Variants in CAMK1D observed in about 807,000 individuals in gnomAD.
CAMK1D encodes calcium/calmodulin dependent protein kinase ID.
A neutral mutation model predicts 47.7 loss-of-function variants in CAMK1D; 9 were observed. The observed-to-expected ratio is 0.19, with a 90% CI of 0.11 to 0.33. The LOEUF (loss-of-function observed/expected upper bound fraction) is 0.33, where lower values mean the gene tolerates loss of function less well. Among genes scored for constraint, CAMK1D ranks in the 10% least tolerant of loss-of-function variants. The probability of loss-of-function intolerance (pLI) is 1.00; values close to 1 mark genes in which losing one functional copy is unlikely to be tolerated. For missense variants in CAMK1D, 291 were observed against 488.7 expected (o/e 0.60, Z 3.81); for synonymous variants, 184 against 184.9 (o/e 0.99, Z 0.04).
intron 1 of CAMK1D, among the ~76,000 whole-genome samples, chr10:12,546,963 A>G (rs6602594): frequency 0.62 from 94,447 of 151,814 alleles, 29,629 homozygotes; most frequent in Middle Eastern, 0.68. Context: ...TATAATAATA[A>G]TTAAAAAAAA....
At chr10:12,673,258 A>G (rs548875572) in intron 3 of CAMK1D, among the ~76,000 whole-genome samples, 1 of 152,290 alleles carries the variant, frequency 6.6e-6, no homozygotes, top group African/African-American at 2.4e-5. Flanking sequence ...GACAATTGAC[A>G]GCTTAAAACA....
chr10:12,805,755 A>G (rs1838700968), intron 6 of CAMK1D, among the ~76,000 whole-genome samples: 1 of 152,198 alleles, frequency 6.6e-6, no homozygotes. Flanking sequence ...TTGGAGAGGG[A>G]CCGAGTCAGG....
At chr10:12,408,848 C>CTTTCTTTTTTTT (rs767211308) in intron 1 of CAMK1D, among the ~76,000 whole-genome samples, 1 of 121,872 alleles carries the variant, frequency 8.2e-6, no homozygotes, top group Non-Finnish European at 1.7e-5. Flanking sequence ...TTCTTTCTTT[C>CTTTCTTTTTTTT]TTTTTTTTTT....
At chr10:12,766,709 A>G (rs970882047) in intron 4 of CAMK1D, among the ~76,000 whole-genome samples, 2 of 151,922 alleles carry the variant, frequency 1.3e-5, no homozygotes, top group Non-Finnish European at 2.9e-5. Flanking sequence ...CCCAATCTCA[A>G]TGCCGAATTA....
At position 12,746,114 on chromosome 10, in the gene CAMK1D, T is replaced by A. The variant is rs1835660059; in HGVS notation, c.300-14834T>A. 2.6e-5 allele frequency among the ~76,000 whole-genome samples: 4 copies of A among 152,096 alleles called. No individual in the cohort carries two copies. The South Asian group carries it at 8.3e-4, about 32-fold the overall frequency. ...GATGCCGGTGATGCCTGTAGAGCTA[T>A]TAAAAAGTTACTGACGAGGCGGACG... On this transcript the variant is annotated intron_variant, in intron 3 of 10. Coordinates refer to ENST00000619168, the MANE Select transcript of CAMK1D (RefSeq NM_153498.4).
chr10:12,454,155 T>C (rs551840492), intron 1 of CAMK1D, among the ~76,000 whole-genome samples: 30 of 152,278 alleles, frequency 2.0e-4, no homozygotes, highest in African/African-American at 6.7e-4. Flanking sequence ...TGTTTTTGAA[T>C]TTAATTTTTT....
At chr10:12,608,355 T>C (rs965786369) in intron 2 of CAMK1D, among the ~76,000 whole-genome samples, 35 of 152,258 alleles carry the variant, frequency 2.3e-4, no homozygotes, top group African/African-American at 8.4e-4. Context: ...GAGGCGGAGG[T>C]TACAGTGAGC....
At chr10:12,758,896 G>A (rs1212126785) in intron 3 of CAMK1D, among the ~76,000 whole-genome samples, 1 of 152,188 alleles carries the variant, frequency 6.6e-6, no homozygotes, top group African/African-American at 2.4e-5. Flanking sequence ...ACAGCAGTTA[G>A]GGAGGCTGCT....
At chr10:12,523,068 C>G (rs550364797) in intron 1 of CAMK1D, among the ~76,000 whole-genome samples, 1 of 150,582 alleles carries the variant, frequency 6.6e-6, no homozygotes, top group Non-Finnish European at 1.5e-5. Flanking sequence ...ACTTCTCAGT[C>G]GGGGCGGCTG....
intron 1 of CAMK1D, among the ~76,000 whole-genome samples, chr10:12,529,080 C>T (rs956730415): frequency 1.2e-4 from 18 of 152,212 alleles, no homozygotes; most frequent in Middle Eastern, 3.4e-3. Flanking sequence ...TCAAGCAATC[C>T]ACCCGTCTTG....
intron 3 of CAMK1D, among the ~76,000 whole-genome samples, chr10:12,751,128 A>AAGATGAGAT: frequency 6.9e-6 from 1 of 145,172 alleles, no homozygotes; most frequent in East Asian, 2.1e-4. Flanking sequence ...TAAGATAAGA[A>AAGATGAGAT]GGCTTCAGAA....
intron 2 of CAMK1D, among the ~76,000 whole-genome samples, chr10:12,564,854 C>T (rs776792657): frequency 7.2e-5 from 11 of 152,168 alleles, no homozygotes; most frequent in Non-Finnish European, 1.2e-4. Context: ...CCTAAGTATA[C>T]ACACATGTAA....
At chr10:12,721,409 T>A (rs1564516251) in intron 3 of CAMK1D, among the ~76,000 whole-genome samples, 1 of 152,198 alleles carries the variant, frequency 6.6e-6, no homozygotes, top group Non-Finnish European at 1.5e-5. Context: ...GGGCTGTGCA[T>A]TACTCAATTT....
At chr10:12,731,886 G>C (rs1419153340) in intron 3 of CAMK1D, among the ~76,000 whole-genome samples, 2 of 152,042 alleles carry the variant, frequency 1.3e-5, no homozygotes, top group Non-Finnish European at 2.9e-5. Context: ...CGAGGTCTAG[G>C]GCATGACCAC....
chr10:12,521,640 G>A (rs932593285), intron 1 of CAMK1D, among the ~76,000 whole-genome samples: 4 of 152,028 alleles, frequency 2.6e-5, no homozygotes, highest in African/African-American at 7.2e-5. Flanking sequence ...CTGTATCCCC[G>A]CCAATTTTCT....
intron 1 of CAMK1D, among the ~76,000 whole-genome samples, chr10:12,404,014 C>G (rs1429738220): frequency 6.7e-6 from 1 of 149,656 alleles, no homozygotes; most frequent in East Asian, 1.9e-4. Flanking sequence ...ATAAAAGAGA[C>G]AAAAATGGGC....
At chr10:12,645,790 G>A (rs576267304) in intron 2 of CAMK1D, among the ~76,000 whole-genome samples, 33 of 152,258 alleles carry the variant, frequency 2.2e-4, no homozygotes, top group Admixed American at 5.2e-4. Flanking sequence ...TGTCTGCCAC[G>A]CCATCTGAGT....
In CAMK1D at chr10:12,417,887, C is replaced by T. The variant is rs369084887; in HGVS notation, c.92+67977C>T. Among the ~76,000 whole-genome samples, 34 of 152,082 alleles carry T rather than the reference C, an allele frequency of 2.2e-4. 1 individual carries two copies. The South Asian group carries it at 5.4e-3, about 24-fold the overall frequency. ...CATGATCTTGGCTCACTGCAACCTCCGCCTCCTGGGTTCAGGTGATTCTCC... is the reference window on the plus strand; with the variant it reads ...CATGATCTTGGCTCACTGCAACCTCTGCCTCCTGGGTTCAGGTGATTCTCC... On this transcript the variant is annotated intron_variant, in intron 1 of 10. Coordinates refer to ENST00000619168, the MANE Select transcript of CAMK1D (RefSeq NM_153498.4).
In CAMK1D at chr10:12,834,924, G is replaced by A. The variant is rs777349646; in HGVS notation, c.*6037G>A. On this transcript the variant is annotated 3_prime_UTR_variant, in exon 11 of 11. Transcript: ENST00000619168. ...TAAAAAGGAACAAGAACATCAGCTC[G>A]GATGTTTGTCTCTCAGCCCTGACAC... 13 of 152,152 alleles carry A rather than the reference G, an allele frequency of 8.5e-5. No homozygotes were observed. The highest frequency in any genetic ancestry group is 1.3e-4 in the Non-Finnish European group (9 of 68,026). 9.4% of individuals were successfully genotyped at this position (152,152 alleles called of 1,614,324 possible). A position where few individuals can be genotyped will look rare whatever the true frequency, so the allele number is the denominator to read the frequency against.
Sources: allele counts gnomAD v4.1 joint callset (sites outside exome capture counted in the v4.1 genomes callset), GRCh38; gene constraint gnomAD v4.1.1; transcripts MANE v1.5; gene names NCBI Gene and HGNC (gene_info 2026-07-23, HGNC 2026-07-21).